The following MYRIP variants were observed in gnomAD, a reference collection of about 807,000 sequenced individuals.
MYRIP encodes the protein rab effector MyRIP.
A neutral mutation model predicts 98.0 loss-of-function variants in MYRIP; 49 were observed. The observed-to-expected ratio is 0.50, with a 90% CI of 0.40 to 0.63. The LOEUF (loss-of-function observed/expected upper bound fraction) is 0.63. MYRIP is among the 30% of genes least tolerant of loss of function. The pLI is 0.00. For missense variants in MYRIP, 1,004 were observed against 1,058.2 expected, an observed-to-expected ratio of 0.95 and a Z score of 0.71; for synonymous variants, 404 against 409.5, an observed-to-expected ratio of 0.99 and a Z score of 0.16.
intron 3 of MYRIP, among the ~76,000 whole-genome samples, chr3:40,127,359 T>A (rs990769311): frequency 3.3e-5 from 5 of 152,118 alleles, no homozygotes; most frequent in African/African-American, 1.2e-4. Flanking sequence ...TTTTGGTCAC[T>A]TCGGTGGTAA....
intron 1 of MYRIP, among the ~76,000 whole-genome samples, chr3:39,832,811 T>A (rs1335306242): frequency 6.6e-6 from 1 of 152,210 alleles, no homozygotes; most frequent in Non-Finnish European, 1.5e-5. Context: ...TTCAGGCAGG[T>A]GCCTGAATAT....
At chr3:40,004,347 C>A (rs745645449) in intron 2 of MYRIP, among the ~76,000 whole-genome samples, 1 of 152,132 alleles carries the variant, frequency 6.6e-6, no homozygotes, top group Non-Finnish European at 1.5e-5. Flanking sequence ...TGAGACAGGA[C>A]AAAAGTGGGG....
chr3:40,006,839 T>C (rs1411041694), intron 2 of MYRIP, among the ~76,000 whole-genome samples: 1 of 152,202 alleles, frequency 6.6e-6, no homozygotes, highest in Non-Finnish European at 1.5e-5. Flanking sequence ...AGCAGCTAAA[T>C]TAAATGGGAC....
chr3:40,191,723 C>T (rs188064129), intron 10 of MYRIP, among the ~76,000 whole-genome samples: 1 of 152,272 alleles, frequency 6.6e-6, no homozygotes, highest in Admixed American at 6.5e-5. Flanking sequence ...AACAGAAGAT[C>T]ATTAAAAATC....
chr3:40,134,950 A>C (rs1575565282), intron 3 of MYRIP, among the ~76,000 whole-genome samples: 1 of 152,164 alleles, frequency 6.6e-6, no homozygotes, highest in Non-Finnish European at 1.5e-5. Flanking sequence ...GAGCAGAAAA[A>C]CCAGAAACTC....
chr3:39,992,087 G>A (rs1946193450), intron 2 of MYRIP, among the ~76,000 whole-genome samples: 1 of 152,148 alleles, frequency 6.6e-6, no homozygotes, highest in South Asian at 2.1e-4. Flanking sequence ...CCAGACCACT[G>A]CTGCCTTAAC....
At chr3:40,124,190 T>C (rs1301648843) in intron 3 of MYRIP, among the ~76,000 whole-genome samples, 1 of 152,158 alleles carries the variant, frequency 6.6e-6, no homozygotes, top group Non-Finnish European at 1.5e-5. Flanking sequence ...TTTGTGGCCA[T>C]CTTCTATCTG....
At chr3:40,096,722 A>G (rs893913849) in intron 3 of MYRIP, among the ~76,000 whole-genome samples, 5 of 152,240 alleles carry the variant, frequency 3.3e-5, no homozygotes, top group Admixed American at 2.6e-4. Context: ...CAGATTCCAC[A>G]GGGCCTGCAT....
intron 10 of MYRIP, among the ~76,000 whole-genome samples, chr3:40,205,355 T>C (rs1439026629): frequency 3.3e-5 from 5 of 152,172 alleles, no homozygotes; most frequent in Non-Finnish European, 5.9e-5. Context: ...CTTTTGGTTC[T>C]GGATCTACAT....
chr3:39,959,617 A>G (rs960005402), intron 2 of MYRIP, among the ~76,000 whole-genome samples: 5 of 151,994 alleles, frequency 3.3e-5, no homozygotes, highest in Admixed American at 3.3e-4. Context: ...GCACATGTAT[A>G]CATATGTAAC....
At chr3:40,165,050 C>T (rs557494586) in intron 5 of MYRIP, among the ~76,000 whole-genome samples, 1 of 152,168 alleles carries the variant, frequency 6.6e-6, no homozygotes, top group Non-Finnish European at 1.5e-5. Context: ...ATTTGTAGAT[C>T]TTTTCTGTGA....
chr3:39,905,703 G>T (rs1943863550), intron 2 of MYRIP, among the ~76,000 whole-genome samples: 1 of 152,090 alleles, frequency 6.6e-6, no homozygotes, highest in African/African-American at 2.4e-5. Context: ...CTCCTGTTTT[G>T]TTCATAGGAT....
At position 40,002,864 on chromosome 3, in the gene MYRIP, ATAAG is replaced by A. The variant is rs886420128; in HGVS notation, c.111-41184_111-41181del. ...ACTCACACAATCTTTATACAAATAT[ATAAG>A]TGTCTATATATCTCTCTAAAGCTTT... On this transcript the variant is annotated intron_variant, in intron 2 of 16. Coordinates refer to ENST00000302541, the MANE Select transcript of MYRIP (RefSeq NM_015460.4). 1.6e-3 allele frequency among the ~76,000 whole-genome samples: 241 copies of A among 152,254 alleles called. 2 individuals carry two copies. Among genetic ancestry groups the A allele is most frequent in the African/African-American group, 5.6e-3 (234 of 41,568 alleles).
chr3:40,002,890 C>A (rs141801027), intron 2 of MYRIP, among the ~76,000 whole-genome samples: 1 of 151,958 alleles, frequency 6.6e-6, no homozygotes, highest in Non-Finnish European at 1.5e-5. Flanking sequence ...CTCTCTAAAG[C>A]TTTAGATAGA....
chr3:40,089,614 G>A (rs1228978504), intron 3 of MYRIP, among the ~76,000 whole-genome samples: 8 of 152,118 alleles, frequency 5.3e-5, no homozygotes, highest in Non-Finnish European at 1.2e-4. Context: ...TCAAGTAATA[G>A]CCAAAAACAA....
intron 2 of MYRIP, among the ~76,000 whole-genome samples, chr3:39,906,823 T>C (rs1471872748): frequency 6.6e-6 from 1 of 152,210 alleles, no homozygotes; most frequent in African/African-American, 2.4e-5. Context: ...AGCATGTTTT[T>C]GATGACATTG....
chr3:40,033,269 G>A lies in MYRIP; in HGVS notation c.111-10781G>A, dbSNP rs560103448. On this transcript the variant is annotated intron_variant, in intron 2 of 16. Transcript: ENST00000302541. ...AAAGGGTATTCAATTAGGAAAAGAG[G>A]AAGTCAAATTGTCCCTGTTTGCAGA... Among the ~76,000 whole-genome samples the A allele has an allele frequency of 9.9e-4, 149 of 150,138 alleles. 1 individual carries two copies. The highest frequency in any genetic ancestry group is 3.4e-3 in the African/African-American group (138 of 40,978).
chr3:40,179,511 ATATTAAG>A (rs1359173077), intron 8 of MYRIP, among the ~76,000 whole-genome samples: 1 of 152,318 alleles, frequency 6.6e-6, no homozygotes, highest in Admixed American at 6.5e-5. Flanking sequence ...CAAAAATGAA[ATATTAAG>A]TATTGTTTCC....
At chr3:39,991,251 C>G (rs1011969890) in intron 2 of MYRIP, among the ~76,000 whole-genome samples, 1 of 152,214 alleles carries the variant, frequency 6.6e-6, no homozygotes, top group Non-Finnish European at 1.5e-5. Flanking sequence ...ACACTGCAAC[C>G]TGTTGTCATC....
Sources: gnomAD v4.1 joint callset for allele counts (sites outside exome capture counted in the v4.1 genomes callset) on GRCh38, gnomAD v4.1.1 for gene constraint, MANE v1.5 for transcripts, NCBI Gene and HGNC (gene_info 2026-07-23, HGNC 2026-07-21) for gene names.